The following TTYH3 variants were observed in gnomAD, a reference collection of about 807,000 sequenced individuals.
The protein encoded by TTYH3 is protein tweety homolog 3.
A neutral mutation model predicts 68.2 loss-of-function variants in TTYH3; 23 were observed. The ratio of observed to expected loss-of-function variants is 0.34; its 90% CI spans 0.24 to 0.48. TTYH3 has a LOEUF of 0.48. Ranked by LOEUF, TTYH3 falls within the 20% of genes least tolerant of loss-of-function variation. The pLI is 0.99. For missense variants in TTYH3, 768 were observed against 727.7 expected, an observed-to-expected ratio of 1.06 and a Z score of -0.64; for synonymous variants, 360 against 332.8, an observed-to-expected ratio of 1.08 and a Z score of -0.89.
intron 1 of TTYH3, among the ~76,000 whole-genome samples, chr7:2,634,164 G>T (rs1012644772): frequency 3.9e-5 from 6 of 152,178 alleles, no homozygotes; most frequent in Admixed American, 6.5e-5. Flanking sequence ...ATCCCCCGCC[G>T]CCTCCACTCC....
chr7:2,647,277 C>T (rs1786021553), intron 3 of TTYH3, 24 bp downstream of exon 3: 4 of 1,556,730 alleles, frequency 2.6e-6, no homozygotes, highest in Non-Finnish European at 1.7e-6. Context: ...GAGTTGGGGC[C>T]AGGAGCACTC....
In TTYH3 at chr7:2,646,944, G is replaced by A. The variant is rs1303764779; in HGVS notation, c.215G>A (p.Arg72Gln). The change falls in exon 2 of 14, where the codon CGG becomes CAG. Residue 72 changes from arginine to glutamine, a missense_variant. By Grantham distance (43) the Arg-to-Gln change is conservative (BLOSUM62 1). Transcript: ENST00000258796. ...LFYSFWLCCR[R>Q]RKSEEHLDAD... ...TACTCCTTCTGGCTGTGCTGCCGGCGGCGCAAGAGCGAGGAGCACCTGGAC... is the reference window on the plus strand; with the variant it reads ...TACTCCTTCTGGCTGTGCTGCCGGCAGCGCAAGAGCGAGGAGCACCTGGAC... 2.5e-6 allele frequency: 4 copies of A among 1,600,700 alleles called. No homozygotes were observed. Among genetic ancestry groups the A allele is most frequent in the South Asian group, 2.2e-5 (2 of 90,264 alleles).
chr7:2,635,897 A>G (rs1785644348), intron 1 of TTYH3, among the ~76,000 whole-genome samples: 1 of 152,200 alleles, frequency 6.6e-6, no homozygotes, highest in Non-Finnish European at 1.5e-5. Context: ...GGGGAACGGC[A>G]GGTGCAAAGG....
chr7:2,652,479 G>A (rs1001412340), intron 8 of TTYH3, among the ~76,000 whole-genome samples: 2 of 152,224 alleles, frequency 1.3e-5, no homozygotes, highest in African/African-American at 2.4e-5. Context: ...CACCCGCATC[G>A]CTGGGACTGC....
At chr7:2,661,459 C>A (rs1786493739) in intron 13 of TTYH3, among the ~76,000 whole-genome samples, 3 of 152,142 alleles carry the variant, frequency 2.0e-5, no homozygotes, top group Non-Finnish European at 4.4e-5. Flanking sequence ...CTGCCCCTCC[C>A]TCAGCCTCAG....
chr7:2,646,901 C>A lies in TTYH3; in HGVS notation c.172C>A (p.Leu58Ile). ...CGCCCTGGCCTGCCTCGCCCTGGAC[C>A]TCCTCTTCCTGCTCTTCTACTCCTT... ...AAALACLALD[L>I]LFLLFYSFWL... is the part of the protein sequence containing the mutation. The change falls in exon 2 of 14, where the codon CTC becomes ATC. Residue 58 changes from leucine to isoleucine, a missense_variant. Transcript: ENST00000258796. 6.3e-7 allele frequency: 1 copy of A among 1,599,148 alleles called. No homozygotes were observed.
At position 2,649,915 on chromosome 7, in the gene TTYH3, C is replaced by T. The variant is rs1342810539; in HGVS notation, c.798C>T (p.Gly266=). The change falls in exon 7 of 14, where the codon GGC becomes GGT. Residue 266 remains glycine (G), a splice_region_variant and synonymous_variant. Transcript: ENST00000258796. The part of the protein sequence containing the change: ...ALGLELAVSV[G]SSDFCVDPDA... ...TTGCTTGCCCACGCCCACCTCAGGG[C>T]TCCAGCGACTTCTGTGTGGACCCTG... The T allele has an allele frequency of 3.7e-6, 6 of 1,613,822 alleles. No homozygotes were observed. In the Admixed American group the frequency reaches 8.3e-5, roughly 22 times the overall value.
chr7:2,657,868 A>T (rs1462456002), intron 11 of TTYH3, among the ~76,000 whole-genome samples: 1 of 152,212 alleles, frequency 6.6e-6, no homozygotes, highest in Non-Finnish European at 1.5e-5. Context: ...AGAAAGCCAG[A>T]GGGCAGCAGG....
chr7:2,635,607 C>T (rs1334284777), intron 1 of TTYH3, among the ~76,000 whole-genome samples: 1 of 152,224 alleles, frequency 6.6e-6, no homozygotes, highest in Non-Finnish European at 1.5e-5. Flanking sequence ...GTGGTGTTAA[C>T]TGGCTTGCCA....
Position 2,653,023 on chromosome 7 carries a change from G to A in TTYH3, c.1020+13G>A, listed in dbSNP as rs1189324677. Reference sequence around the variant, plus strand: ...GCCGGCCACTAAGGTGAGGGGCTGCGGGGTAGGCACTGGGGCAGGCAGGGC... The same window carrying A: ...GCCGGCCACTAAGGTGAGGGGCTGCAGGGTAGGCACTGGGGCAGGCAGGGC... On this transcript the variant is annotated intron_variant, in intron 9 of 13. Transcript: ENST00000258796. The A allele has an allele frequency of 1.2e-5, 18 of 1,559,760 alleles. No homozygotes were observed. Among genetic ancestry groups the A allele is most frequent in the Admixed American group, 2.0e-5 (1 of 51,202 alleles).
rs1281351473 is a variant in TTYH3 at position 2,647,039 on chromosome 7, G to A, written c.293+17G>A. The stretch of plus-strand genomic sequence containing the variant: ...GGTGTGCAGGTGAGCGCGGTGGGGC[G>A]GGGACGGAGGGCGGGGCCAGAGGGG... On this transcript the variant is annotated intron_variant, in intron 2 of 13. Coordinates refer to ENST00000258796, the MANE Select transcript of TTYH3 (RefSeq NM_025250.3). 1 of 1,538,632 alleles carries A rather than the reference G, an allele frequency of 6.5e-7. No homozygotes were observed. The highest frequency in any genetic ancestry group is 8.7e-7 in the Non-Finnish European group (1 of 1,145,722).
At chr7:2,654,426 A>T (rs2114993990) in intron 9 of TTYH3, among the ~76,000 whole-genome samples, 1 of 152,152 alleles carries the variant, frequency 6.6e-6, no homozygotes, top group Middle Eastern at 3.4e-3. Context: ...GTATGTGTAT[A>T]TATATATAAC....
chr7:2,649,700 G>C, intron 6 of TTYH3, 61 bp downstream of exon 6: 6 of 1,553,294 alleles, frequency 3.9e-6, no homozygotes, highest in Non-Finnish European at 5.2e-6. Flanking sequence ...GGAGGGACGA[G>C]GGGAAGCCAC....
chr7:2,658,988 C>T lies in TTYH3; in HGVS notation c.1473C>T (p.Leu491=), dbSNP rs763177983. Residue 491 remains leucine (L), a synonymous_variant, in exon 13 of 14, where the codon CTC becomes CTT. Coordinates refer to ENST00000258796, the MANE Select transcript of TTYH3 (RefSeq NM_025250.3). The stretch of plus-strand genomic sequence containing the variant: ...ACCCCCGCTGTGAGAACACCCCACT[C>T]ATTGGGCGCGAGTCCCCGCCGCCCT... ...FQNPRCENTP[L]IGRESPPPSY... The T allele has an allele frequency of 1.9e-6, 3 of 1,614,080 alleles. No homozygotes were observed. Among genetic ancestry groups the T allele is most frequent in the East Asian group, 4.5e-5 (2 of 44,890 alleles).
Position 2,632,938 on chromosome 7 carries a change from C to CG in TTYH3, c.123+665dup, listed in dbSNP as rs1257388097. ...GGGAGACCAGGCTGCCTGTAGCCCC[C>CG]GGGGGAGGGAGGCCCGGCGGCCAGG... On this transcript the variant is annotated intron_variant, in intron 1 of 13. Transcript: ENST00000258796. Among the ~76,000 whole-genome samples, 8 of 152,168 alleles carry CG rather than the reference C, an allele frequency of 5.3e-5. No homozygotes were observed. In the South Asian group the frequency reaches 6.2e-4, roughly 12 times the overall value.
intron 13 of TTYH3, chr7:2,660,373 G>C (rs990646933): frequency 3.0e-6 from 3 of 985,208 alleles, no homozygotes; most frequent in Non-Finnish European, 3.6e-6. Context: ...CCCTGTATGT[G>C]CCCGGGCCCC....
Position 2,662,074 on chromosome 7 carries a change from C to G in TTYH3, c.*335C>G, listed in dbSNP as rs950622307. On this transcript the variant is annotated 3_prime_UTR_variant, in exon 14 of 14. Transcript: ENST00000258796. ...GCACCCAACCTGTGTTGTTGCCGCC[C>G]GGCCCTTCCCTCCACAGCTCTCCTT... 1.2e-5 allele frequency: 6 copies of G among 510,878 alleles called. No individual in the cohort carries two copies. The East Asian group carries it at 2.1e-4, about 18-fold the overall frequency. 31.6% of individuals were successfully genotyped at this position (510,878 alleles called of 1,614,324 possible). A position where few individuals can be genotyped will look rare whatever the true frequency, so the allele number is the denominator to read the frequency against.
At position 2,647,493 on chromosome 7, in the gene TTYH3, C is replaced by A. The variant is rs1324791509; in HGVS notation, c.481C>A (p.Arg161=). 6.5e-7 allele frequency: 1 copy of A among 1,537,714 alleles called. No homozygotes were observed. The highest frequency in any genetic ancestry group is 8.7e-7 in the Non-Finnish European group (1 of 1,144,778). ...LQTLERQLAG[R]PEPLRAVQRL... ...GACCCTGGAGCGGCAGCTGGCCGGGCGGCCCGAGCCCCTGCGAGCCGTACA... is the reference window on the plus strand; with the variant it reads ...GACCCTGGAGCGGCAGCTGGCCGGGAGGCCCGAGCCCCTGCGAGCCGTACA... Residue 161 remains arginine (R), a synonymous_variant, in exon 4 of 14, where the codon CGG becomes AGG. Transcript: ENST00000258796.
intron 5 of TTYH3, 57 bp from the exon 6 acceptor site, chr7:2,649,510 A>G: frequency 6.0e-6 from 9 of 1,506,818 alleles, no homozygotes; most frequent in Non-Finnish European, 8.0e-6. Context: ...GCAGCCCAGC[A>G]GGTGGCACGG....
Sources: allele counts gnomAD v4.1 joint callset (sites outside exome capture counted in the v4.1 genomes callset), GRCh38; gene constraint gnomAD v4.1.1; transcripts MANE v1.5; gene names NCBI Gene and HGNC (gene_info 2026-07-23, HGNC 2026-07-21).